The following PTPRQ variants were observed in gnomAD, a reference collection of about 807,000 sequenced individuals.
PTPRQ encodes the protein protein tyrosine phosphatase receptor type Q, also known as phosphatidylinositol phosphatase PTPRQ.
In PTPRQ, 199 loss-of-function variants were observed where a neutral mutation model predicts 246.0. The ratio of observed to expected loss-of-function variants is 0.81; its 90% CI spans 0.72 to 0.91. The LOEUF (loss-of-function observed/expected upper bound fraction) is 0.91, where lower values mean the gene tolerates loss of function less well. Among genes scored for constraint, PTPRQ ranks in the 40% least tolerant of loss-of-function variants. The pLI is 0.00. For missense variants in PTPRQ, 2,624 were observed against 2,528.4 expected (o/e 1.04, Z -0.81); for synonymous variants, 869 against 853.2 (o/e 1.02, Z -0.32).
At position 80,539,961 on chromosome 12, in the gene PTPRQ, C is replaced by A. The variant is rs750365126; in HGVS notation, c.3154+17C>A. On this transcript the variant is annotated intron_variant, in intron 20 of 44. Transcript: ENST00000644991. ...ATCAAGACAGTATGTAAACAAAAAA[C>A]ACTAATCTTTAATATGATTAATTTA... 2 of 1,439,664 alleles carry A rather than the reference C, an allele frequency of 1.4e-6. No homozygotes were observed. Among genetic ancestry groups the A allele is most frequent in the South Asian group, 1.6e-5 (1 of 63,824 alleles). 89.2% of individuals were successfully genotyped at this position (1,439,664 alleles called of 1,614,324 possible). A position where few individuals can be genotyped will look rare whatever the true frequency, so the allele number is the denominator to read the frequency against.
chr12:80,613,043 C>T (rs7973762), intron 28 of PTPRQ, among the ~76,000 whole-genome samples: 11,973 of 150,140 alleles, frequency 0.08, 1,160 homozygotes, highest in African/African-American at 0.23. Flanking sequence ...ATCTTGTTTA[C>T]GGTGGTGGTT....
At chr12:80,458,062 T>C (rs1471950226) in intron 4 of PTPRQ, among the ~76,000 whole-genome samples, 1 of 152,108 alleles carries the variant, frequency 6.6e-6, no homozygotes, top group East Asian at 1.9e-4. Flanking sequence ...GTCATAAGCT[T>C]GTTATAACAT....
intron 39 of PTPRQ, among the ~76,000 whole-genome samples, chr12:80,658,471 C>T (rs538751165): frequency 5.9e-5 from 9 of 152,132 alleles, no homozygotes; most frequent in Admixed American, 2.6e-4. Flanking sequence ...GTCCTTCAAG[C>T]GGGTAATAAT....
At chr12:80,600,521 A>G (rs1898107505) in intron 26 of PTPRQ, among the ~76,000 whole-genome samples, 1 of 151,826 alleles carries the variant, frequency 6.6e-6, no homozygotes, top group African/African-American at 2.4e-5. Flanking sequence ...GCTACCGCAG[A>G]AAAATCTCAC....
At chr12:80,634,558 T>C (rs1358933739) in intron 34 of PTPRQ, 3 of 166,968 alleles carry the variant, frequency 1.8e-5, no homozygotes, top group Non-Finnish European at 3.8e-5. Flanking sequence ...ATACTATTGA[T>C]AGCATTGAAC....
At chr12:80,606,314 T>G (rs914927233) in intron 27 of PTPRQ, among the ~76,000 whole-genome samples, 1 of 150,942 alleles carries the variant, frequency 6.6e-6, no homozygotes, top group Admixed American at 6.6e-5. Flanking sequence ...TGAGATTCAC[T>G]ATGGAATGTG....
At chr12:80,570,520 C>T (rs1379745840) in intron 25 of PTPRQ, among the ~76,000 whole-genome samples, 2 of 151,932 alleles carry the variant, frequency 1.3e-5, no homozygotes, top group African/African-American at 4.8e-5. Flanking sequence ...AAATTTTCTC[C>T]CATTCTATAG....
chr12:80,546,502 G>A, intron 23 of PTPRQ, 54 bp from the exon 24 acceptor site: 1 of 1,485,364 alleles, frequency 6.7e-7, no homozygotes, highest in Admixed American at 2.5e-5. Flanking sequence ...ATATTCCATT[G>A]ATGAACAATT....
Position 80,506,079 on chromosome 12 carries a change from T to A in PTPRQ, c.2328T>A (p.Ile776=). The A allele has an allele frequency of 6.5e-7, 1 of 1,546,982 alleles. No homozygotes were observed. Among genetic ancestry groups the A allele is most frequent in the Non-Finnish European group, 8.7e-7 (1 of 1,144,992 alleles). ...ITYKNISSGE[I]ELSFLPPSSP... is the part of the protein sequence containing the mutation. ...ACAAAAATATTTCTTCTGGAGAGAT[T>A]GAGCTATCATTCCTTCCCCCAAGTA... is the stretch of plus-strand genomic sequence containing the variant. Residue 776 remains isoleucine (I), a synonymous_variant, in exon 15 of 45, where the codon ATT becomes ATA. Transcript: ENST00000644991.
intron 6 of PTPRQ, among the ~76,000 whole-genome samples, chr12:80,467,510 T>C (rs1357155691): frequency 6.6e-6 from 1 of 152,206 alleles, no homozygotes; most frequent in Non-Finnish European, 1.5e-5. Context: ...TTACTGGGTA[T>C]ATACCCAAAG....
In PTPRQ at chr12:80,541,537, G is replaced by T. The variant is rs1461324013; in HGVS notation, c.3155-18G>T. 5 of 1,440,076 alleles carry T rather than the reference G, an allele frequency of 3.5e-6. No homozygotes were observed. Among genetic ancestry groups the T allele is most frequent in the Admixed American group, 2.7e-5 (1 of 36,620 alleles). 89.2% of individuals were successfully genotyped at this position (1,440,076 alleles called of 1,614,324 possible). ...GGGTAACTGATGATTTTTGTATTTT[G>T]CCCATTACCTATCATAGTACCTGAA... On this transcript the variant is annotated intron_variant, in intron 20 of 44. Coordinates refer to ENST00000644991, the MANE Select transcript of PTPRQ (RefSeq NM_001145026.2).
At chr12:80,650,935 G>A (rs752151582) in intron 37 of PTPRQ, among the ~76,000 whole-genome samples, 28 of 151,846 alleles carry the variant, frequency 1.8e-4, no homozygotes, top group Non-Finnish European at 3.8e-4. Context: ...AATTTCTAAA[G>A]CAAATTATTA....
At chr12:80,657,090 T>G (rs1900467781) in intron 38 of PTPRQ, among the ~76,000 whole-genome samples, 1 of 151,862 alleles carries the variant, frequency 6.6e-6, no homozygotes, top group Non-Finnish European at 1.5e-5. Flanking sequence ...GACAAATTCA[T>G]GGACAAATGA....
chr12:80,550,325 G>C (rs768105128), intron 25 of PTPRQ, among the ~76,000 whole-genome samples: 2 of 152,012 alleles, frequency 1.3e-5, no homozygotes, highest in Non-Finnish European at 2.9e-5. Flanking sequence ...ATTAAAACCT[G>C]TTTCTTTCCT....
At chr12:80,643,402 C>T (rs1852659) in intron 35 of PTPRQ, among the ~76,000 whole-genome samples, 9,236 of 151,006 alleles carry the variant, frequency 0.061, 354 homozygotes, top group South Asian at 0.18. Context: ...TGCACCATTG[C>T]ACTCCAGCCT....
At chr12:80,478,257 C>A (rs1045027716) in intron 8 of PTPRQ, among the ~76,000 whole-genome samples, 3 of 150,686 alleles carry the variant, frequency 2.0e-5, no homozygotes, top group Admixed American at 6.6e-5. Flanking sequence ...GAGGCATCCC[C>A]CAGCAGGGGC....
Position 80,495,184 on chromosome 12 carries a change from T to C in PTPRQ, c.1703-8T>C. 1.9e-6 allele frequency: 3 copies of C among 1,544,548 alleles called. No individual in the cohort carries two copies. The highest frequency in any genetic ancestry group is 2.6e-6 in the Non-Finnish European group (3 of 1,145,028). On this transcript the variant is annotated splice_region_variant and splice_polypyrimidine_tract_variant and intron_variant, in intron 11 of 44. Coordinates refer to ENST00000644991, the MANE Select transcript of PTPRQ (RefSeq NM_001145026.2). Reference sequence around the variant, plus strand: ...TTTTTCATTCATATGTTCATTCTTCTTTTTAAGTGCCAAGCTCCATTAAAA... The same window carrying C: ...TTTTTCATTCATATGTTCATTCTTCCTTTTAAGTGCCAAGCTCCATTAAAA...
chr12:80,667,943 C>T (rs1443764109), intron 39 of PTPRQ, among the ~76,000 whole-genome samples: 1 of 151,858 alleles, frequency 6.6e-6, no homozygotes, highest in Non-Finnish European at 1.5e-5. Context: ...CTGGCTTGCA[C>T]TGTAATTTGG....
At chr12:80,612,898 G>T (rs1054926325) in intron 28 of PTPRQ, among the ~76,000 whole-genome samples, 5 of 150,444 alleles carry the variant, frequency 3.3e-5, no homozygotes, top group African/African-American at 1.2e-4. Flanking sequence ...GGACCTCAAG[G>T]CCATTGTGCT....
Sources: gnomAD v4.1 joint callset for allele counts (sites outside exome capture counted in the v4.1 genomes callset) on GRCh38, gnomAD v4.1.1 for gene constraint, MANE v1.5 for transcripts, NCBI Gene and HGNC (gene_info 2026-07-23, HGNC 2026-07-21) for gene names.